Variants in FRMD5 observed in about 807,000 individuals in gnomAD.
The protein encoded by FRMD5 is FERM domain-containing protein 5.
FRMD5 carries 20 observed loss-of-function variants against 69.0 expected under a neutral mutation model. That is an observed-to-expected ratio of 0.29 (90% CI 0.20 to 0.42). The LOEUF (loss-of-function observed/expected upper bound fraction) is 0.42. Ranked by LOEUF, FRMD5 falls within the 10% of genes least tolerant of loss-of-function variation. The pLI, the probability that FRMD5 is intolerant of heterozygous loss-of-function variation, is 1.00. For missense variants in FRMD5, 595 were observed against 708.6 expected, an observed-to-expected ratio of 0.84 and a Z score of 1.82; for synonymous variants, 271 against 260.1, an observed-to-expected ratio of 1.04 and a Z score of -0.40.
rs1208185382 is a variant in FRMD5 at position 43,910,119 on chromosome 15, C to T, written c.330-140G>A. The T allele has an allele frequency of 3.4e-5, 18 of 530,198 alleles. No individual in the cohort carries two copies. In the East Asian group the frequency reaches 5.1e-4, roughly 15 times the overall value. 32.8% of individuals were successfully genotyped at this position (530,198 alleles called of 1,614,324 possible). On this transcript the variant is annotated intron_variant, in intron 4 of 13. Transcript: ENST00000417257. ...AAAAATCCTAAAACATAATGTAGAA[C>T]AAATACATTCTCCATTTCCCTGGAA...
chr15:44,139,372 T>TA (rs1216938373), intron 1 of FRMD5, among the ~76,000 whole-genome samples: 14 of 149,080 alleles, frequency 9.4e-5, no homozygotes, highest in African/African-American at 3.0e-4. Flanking sequence ...GAGACTAAGT[T>TA]AAAAAAAAAT....
At chr15:44,184,907 A>G (rs2078073425) in intron 1 of FRMD5, among the ~76,000 whole-genome samples, 1 of 152,224 alleles carries the variant, frequency 6.6e-6, no homozygotes, top group South Asian at 2.1e-4. Flanking sequence ...GCAAGATAGT[A>G]TATCATTATA....
chr15:44,160,408 GA>G (rs1371995627), intron 1 of FRMD5, among the ~76,000 whole-genome samples: 1 of 152,184 alleles, frequency 6.6e-6, no homozygotes, highest in East Asian at 1.9e-4. Context: ...AACAGAACCT[GA>G]AAGGTGGGGA....
rs560721023 is a variant in FRMD5, at chr15:43,891,858, C to T, written c.728+123G>A. ...TCCCTTCGTCAGTTACCACCATCAA[C>T]GCAAGGCTTTGGAGAGGGCTCTGAA... On this transcript the variant is annotated intron_variant, in intron 8 of 13. Transcript: ENST00000417257. The T allele has an allele frequency of 3.9e-5, 29 of 752,022 alleles. No homozygotes were observed. In the African/African-American group the frequency reaches 4.2e-4, roughly 11 times the overall value. The allele number at this position is 752,022 out of a possible 1,614,324, so 46.6% of individuals were successfully genotyped here.
intron 1 of FRMD5, among the ~76,000 whole-genome samples, chr15:44,133,369 G>T (rs1048880786): frequency 6.6e-6 from 1 of 151,880 alleles, no homozygotes; most frequent in Non-Finnish European, 1.5e-5. Flanking sequence ...AAGGTCAGGA[G>T]ATCGAGACCA....
chr15:44,191,938 A>ATATATATATATATATATATATATC (rs2078203726), intron 1 of FRMD5, among the ~76,000 whole-genome samples: 1 of 125,880 alleles, frequency 7.9e-6, no homozygotes, highest in African/African-American at 3.0e-5. Context: ...ATATATATAT[A>ATATATATATATATATATATATATC]TATGTATCTC....
rs528241299 is a variant in FRMD5 at position 44,164,485 on chromosome 15, A to G, written c.102+30468T>C. Among the ~76,000 whole-genome samples, 4 of 152,304 alleles carry G rather than the reference A, an allele frequency of 2.6e-5. No individual in the cohort carries two copies. In the East Asian group the frequency reaches 5.8e-4, roughly 22 times the overall value. On this transcript the variant is annotated intron_variant, in intron 1 of 13. Coordinates refer to ENST00000417257, the MANE Select transcript of FRMD5 (RefSeq NM_032892.5). ...ACATACTCATAAATAGCACCATACA[A>G]TAACAGAAATTAATGATGTTAGCCT...
chr15:43,904,157 T>G (rs1363553211), intron 6 of FRMD5, among the ~76,000 whole-genome samples: 2 of 152,184 alleles, frequency 1.3e-5, no homozygotes, highest in East Asian at 3.9e-4. Context: ...AAGGAGGCTT[T>G]GGGTTATATT....
intron 1 of FRMD5, among the ~76,000 whole-genome samples, chr15:44,150,917 C>A (rs2077434473): frequency 6.6e-6 from 1 of 152,100 alleles, no homozygotes; most frequent in South Asian, 2.1e-4. Context: ...CATGGCAAAA[C>A]CCCATCTCTA....
intron 1 of FRMD5, among the ~76,000 whole-genome samples, chr15:44,033,172 G>C (rs916008963): frequency 6.6e-6 from 1 of 151,978 alleles, no homozygotes; most frequent in South Asian, 2.1e-4. Context: ...ATATAATTTT[G>C]CTAATTATAG....
At chr15:44,142,996 A>T (rs572708396) in intron 1 of FRMD5, among the ~76,000 whole-genome samples, 5 of 152,214 alleles carry the variant, frequency 3.3e-5, no homozygotes, top group African/African-American at 1.2e-4. Context: ...AGGCTGAGGC[A>T]GGAGAATCGC....
Position 44,164,381 on chromosome 15 carries a change from C to T in FRMD5, c.102+30572G>A, listed in dbSNP as rs180836866. Among the ~76,000 whole-genome samples the T allele has an allele frequency of 2.8e-3, 429 of 152,042 alleles. 10 individuals carry two copies. Among genetic ancestry groups the T allele is most frequent in the Admixed American group, 0.025 (385 of 15,268 alleles). ...CTTACCATGTTCACATATTATTGGT[C>T]ATTTTTTTTTTGCAGATGCACTATT... On this transcript the variant is annotated intron_variant, in intron 1 of 13. Coordinates refer to ENST00000417257, the MANE Select transcript of FRMD5 (RefSeq NM_032892.5).
At chr15:44,082,369 T>C (rs1595703088) in intron 1 of FRMD5, among the ~76,000 whole-genome samples, 1 of 152,152 alleles carries the variant, frequency 6.6e-6, no homozygotes, top group East Asian at 1.9e-4. Context: ...ACCCCATATA[T>C]TGAACTATGC....
In FRMD5 at chr15:43,935,124, G is replaced by GA. The variant is rs2089737288; in HGVS notation, c.103-10816dup. Among the ~76,000 whole-genome samples the GA allele has an allele frequency of 2.0e-5, 3 of 152,214 alleles. No homozygotes were observed. The South Asian group carries it at 6.2e-4, about 31-fold the overall frequency. On this transcript the variant is annotated intron_variant, in intron 1 of 13. Transcript: ENST00000417257. ...GGGTCCCTCAACTTGTTAGTTTCCT[G>GA]AAGGTTCTCCCACATGTGGTATTTC...
In FRMD5 at chr15:44,052,594, G is replaced by C. The variant is rs745897400; in HGVS notation, c.103-128285C>G. Among the ~76,000 whole-genome samples, 4 of 152,078 alleles carry C rather than the reference G, an allele frequency of 2.6e-5. 1 individual carries two copies. Among genetic ancestry groups the C allele is most frequent in the Non-Finnish European group, 5.9e-5 (4 of 68,024 alleles). ...ATATTGCTCAGGACACCCTGAGATA[G>C]TGCCTAGGAACAATATTAGAGACCA... On this transcript the variant is annotated intron_variant, in intron 1 of 13. Transcript: ENST00000417257.
In FRMD5 at chr15:44,041,630, G is replaced by C. The variant is rs186044147; in HGVS notation, c.103-117321C>G. On this transcript the variant is annotated intron_variant, in intron 1 of 13. Coordinates refer to ENST00000417257, the MANE Select transcript of FRMD5 (RefSeq NM_032892.5). ...TAGAACTCAGGATTAAGAAACTCAT[G>C]CAAAATCGCACAATTACATGGAAAC... Among the ~76,000 whole-genome samples, 743 of 152,204 alleles carry C rather than the reference G, an allele frequency of 4.9e-3. 5 individuals carry two copies. Among genetic ancestry groups the C allele is most frequent in the Middle Eastern group, 0.01 (3 of 294 alleles).
chr15:44,053,337 T>C (rs1892744065), intron 1 of FRMD5, among the ~76,000 whole-genome samples: 1 of 152,152 alleles, frequency 6.6e-6, no homozygotes, highest in African/African-American at 2.4e-5. Context: ...TGAAGTAAAG[T>C]TCATTAGAGT....
chr15:44,126,788 T>C (rs762924586), intron 1 of FRMD5, among the ~76,000 whole-genome samples: 1 of 152,150 alleles, frequency 6.6e-6, no homozygotes, highest in Non-Finnish European at 1.5e-5. Context: ...CTGACCAATC[T>C]TCCAACCTGT....
chr15:44,066,913 T>C (rs1310024774), intron 1 of FRMD5, among the ~76,000 whole-genome samples: 1 of 152,038 alleles, frequency 6.6e-6, no homozygotes, highest in East Asian at 1.9e-4. Flanking sequence ...GTTCTTTTCC[T>C]TAAAGGGGCA....
Sources: gnomAD v4.1 joint callset for allele counts (sites outside exome capture counted in the v4.1 genomes callset) on GRCh38, gnomAD v4.1.1 for gene constraint, MANE v1.5 for transcripts, NCBI Gene and HGNC (gene_info 2026-07-23, HGNC 2026-07-21) for gene names.